SLC26A9: variants seen among roughly 807,000 people sequenced by gnomAD.
SLC26A9 encodes anion transporter/exchanger protein 9.
SLC26A9 carries 46 observed loss-of-function variants against 87.1 expected under a neutral mutation model. That is an observed-to-expected ratio of 0.53 (90% confidence interval 0.42 to 0.67). The LOEUF (loss-of-function observed/expected upper bound fraction) is 0.67, where lower values mean the gene tolerates loss of function less well. SLC26A9 is among the 30% of genes least tolerant of loss of function. SLC26A9 has a pLI of 0.00. For synonymous variants in SLC26A9, 437 were observed against 409.1 expected, an observed-to-expected ratio of 1.07 and a Z score of -0.82; for missense variants, 927 against 1,018.3, an observed-to-expected ratio of 0.91 and a Z score of 1.22.
chr1:205,931,749 G>A lies in SLC26A9; in HGVS notation c.552+111C>T, dbSNP rs1260371295. 10 of 1,396,780 alleles carry A rather than the reference G, an allele frequency of 7.2e-6. No individual in the cohort carries two copies. In the East Asian group the frequency reaches 7.3e-5, roughly 10 times the overall value. The allele number at this position is 1,396,780 out of a possible 1,614,324, so 86.5% of individuals were successfully genotyped here. On this transcript the variant is annotated intron_variant, in intron 5 of 20. Transcript: ENST00000367135. ...CCCAAAGTGCTGGGATTACAGGCATGAGCCTCCACACCCAGCCCCCTAAAT... is the reference window on the plus strand; with the variant it reads ...CCCAAAGTGCTGGGATTACAGGCATAAGCCTCCACACCCAGCCCCCTAAAT...
intron 1 of SLC26A9, among the ~76,000 whole-genome samples, chr1:205,942,661 T>G (rs1042388632): frequency 1.3e-4 from 20 of 152,134 alleles, no homozygotes; most frequent in African/African-American, 4.8e-4. Context: ...TGGCTGCCCA[T>G]CCACTGTCCT....
rs115212132 is a variant in SLC26A9 at position 205,920,841 on chromosome 1, C to T, written c.2056-611G>A. ...CTTAGATTCTCAGACTTCTTTGTGG[C>T]TTCAGACAGAAGCTGCAGGGGAGGA... On this transcript the variant is annotated intron_variant, in intron 17 of 20. Transcript: ENST00000367135. Among the ~76,000 whole-genome samples the T allele has an allele frequency of 6.0e-3, 921 of 152,326 alleles. 11 individuals carry two copies. The highest frequency in any genetic ancestry group is 0.021 in the African/African-American group (878 of 41,576).
Position 205,914,654 on chromosome 1 carries a change from C to T in SLC26A9, c.*703G>A. 1 of 496,018 alleles carries T rather than the reference C, an allele frequency of 2.0e-6. No individual in the cohort carries two copies. The highest frequency in any genetic ancestry group is 3.5e-6 in the Non-Finnish European group (1 of 282,376). The allele number at this position is 496,018 out of a possible 1,614,324, so 30.7% of individuals were successfully genotyped here. The stretch of plus-strand genomic sequence containing the variant: ...GAGGCAGAACCTTAGTGGGCTGTCC[C>T]CGGGGAGGTAGCTCTGGTGGTCTCG... On this transcript the variant is annotated 3_prime_UTR_variant, in exon 21 of 21. Transcript: ENST00000367135.
chr1:205,918,414 G>A (rs1399805037), intron 19 of SLC26A9, among the ~76,000 whole-genome samples: 2 of 152,082 alleles, frequency 1.3e-5, no homozygotes, highest in Non-Finnish European at 2.9e-5. Flanking sequence ...TCTAAGCTCC[G>A]GTAAGTTAAA....
Position 205,917,262 on chromosome 1 carries a change from C to T in SLC26A9, c.2328+21G>A, listed in dbSNP as rs545592470. Reference sequence around the variant, plus strand: ...CCTCTTCGCCCTGCTCCCACCCTCACAGCCCCTTCCCTCAGCTCACCTGCT... The same window carrying T: ...CCTCTTCGCCCTGCTCCCACCCTCATAGCCCCTTCCCTCAGCTCACCTGCT... On this transcript the variant is annotated intron_variant, in intron 20 of 20. Transcript: ENST00000367135. 3.7e-6 allele frequency: 6 copies of T among 1,613,888 alleles called. No individual in the cohort carries two copies. In the African/African-American group the frequency reaches 8.0e-5, roughly 22 times the overall value.
In SLC26A9 at chr1:205,914,941, T is replaced by C. The variant is rs149852895; in HGVS notation, c.*416A>G. ...ATCTGACACCGAGCCGTGTGGGCTCTGGGACACTTTTTGAAGCTTGTACAG... is the reference window on the plus strand; with the variant it reads ...ATCTGACACCGAGCCGTGTGGGCTCCGGGACACTTTTTGAAGCTTGTACAG... On this transcript the variant is annotated 3_prime_UTR_variant, in exon 21 of 21. Transcript: ENST00000367135. 1 of 1,614,050 alleles carries C rather than the reference T, an allele frequency of 6.2e-7. No individual in the cohort carries two copies. Among genetic ancestry groups the C allele is most frequent in the African/African-American group, 1.3e-5 (1 of 74,900 alleles).
At chr1:205,923,251 A>T in intron 15 of SLC26A9, 56 bp from the exon 16 acceptor site, 1 of 1,609,984 alleles carries the variant, frequency 6.2e-7, no homozygotes. Flanking sequence ...GGAGTGGCCT[A>T]TTCTCAGCTC....
At chr1:205,929,400 C>T (rs746361750) in intron 6 of SLC26A9, 44 bp from the exon 7 acceptor site, 2 of 1,598,310 alleles carry the variant, frequency 1.3e-6, no homozygotes. Context: ...ACCCCTTCTT[C>T]CCATAATACC....
At chr1:205,916,810 T>C (rs969328118) in intron 20 of SLC26A9, among the ~76,000 whole-genome samples, 5 of 152,060 alleles carry the variant, frequency 3.3e-5, no homozygotes, top group Non-Finnish European at 7.4e-5. Context: ...GTGAGAAGAA[T>C]GAAAACAAAG....
chr1:205,936,839 C>T (rs1351860670), intron 1 of SLC26A9, among the ~76,000 whole-genome samples: 1 of 152,180 alleles, frequency 6.6e-6, no homozygotes, highest in African/African-American at 2.4e-5. Context: ...GAGATGCCCC[C>T]AACTTCCCAG....
At chr1:205,919,160 A>C (rs755981358) in intron 18 of SLC26A9, among the ~76,000 whole-genome samples, 175 bp from the exon 19 acceptor site, 2 of 152,226 alleles carry the variant, frequency 1.3e-5, no homozygotes, top group Non-Finnish European at 2.9e-5. Flanking sequence ...GGCAGAGGGC[A>C]ACATGAACTT....
chr1:205,940,993 C>A (rs1451803877), intron 1 of SLC26A9, among the ~76,000 whole-genome samples: 1 of 152,166 alleles, frequency 6.6e-6, no homozygotes, highest in Non-Finnish European at 1.5e-5. Flanking sequence ...TGCCTCCCTG[C>A]CTCATCCAGG....
intron 1 of SLC26A9, among the ~76,000 whole-genome samples, chr1:205,938,240 C>T (rs975649363): frequency 6.6e-6 from 1 of 151,446 alleles, no homozygotes; most frequent in Non-Finnish European, 1.5e-5. Flanking sequence ...AATCCTATTG[C>T]TATTTCCTTC....
At chr1:205,940,840 C>T (rs916728791) in intron 1 of SLC26A9, among the ~76,000 whole-genome samples, 9 of 152,178 alleles carry the variant, frequency 5.9e-5, no homozygotes, top group South Asian at 2.1e-4. Flanking sequence ...GGGTTTTTGA[C>T]GCATGTGTGC....
In SLC26A9 at chr1:205,927,987, G is replaced by A. The variant is rs755264562; in HGVS notation, c.1016C>T (p.Ser339Phe). ...GATGACGTAGCTCACGATGGCTAGGGAGAAGGCTGTGCCTATCATGTCCTT... is the reference window on the plus strand; with the variant it reads ...GATGACGTAGCTCACGATGGCTAGGAAGAAGGCTGTGCCTATCATGTCCTT... ...QWKDMIGTAF[S>F]LAIVSYVINL... The change falls in exon 9 of 21, where the codon TCC becomes TTC. Residue 339 changes from serine (S) to phenylalanine (F), a missense_variant. Transcript: ENST00000367135. 1 of 1,614,160 alleles carries A rather than the reference G, an allele frequency of 6.2e-7. No homozygotes were observed. Among genetic ancestry groups the A allele is most frequent in the Admixed American group, 1.7e-5 (1 of 60,024 alleles).
intron 8 of SLC26A9, 146 bp from the exon 9 acceptor site, chr1:205,928,195 G>T: frequency 1.1e-6 from 1 of 920,018 alleles, no homozygotes; most frequent in Non-Finnish European, 1.6e-6. Flanking sequence ...TGAATCCTCA[G>T]CACCACCCCA....
chr1:205,923,233 C>T, intron 15 of SLC26A9, 38 bp from the exon 16 acceptor site: 2 of 1,611,182 alleles, frequency 1.2e-6, no homozygotes, highest in Non-Finnish European at 1.7e-6. Flanking sequence ...TGACCTCCAC[C>T]CTCTATGGGA....
At position 205,929,941 on chromosome 1, in the gene SLC26A9, A is replaced by T; in HGVS notation, c.668T>A (p.Ile223Asn). 6.2e-7 allele frequency: 1 copy of T among 1,613,630 alleles called. No homozygotes were observed. The highest frequency in any genetic ancestry group is 1.1e-5 in the South Asian group (1 of 91,070). The part of the protein sequence containing the change: ...LQILISVLKY[I>N]FGLTIPSYTG... Reference sequence around the variant, plus strand: ...GTAGGAGGGGATGGTCAGTCCGAAGATGTACTTGAGCACCGAAATCAGGAT... The same window carrying T: ...GTAGGAGGGGATGGTCAGTCCGAAGTTGTACTTGAGCACCGAAATCAGGAT... The change falls in exon 6 of 21, where the codon ATC (isoleucine) becomes AAC (asparagine). Residue 223 changes from isoleucine (I) to asparagine (N), a missense_variant. Ile to Asn is a moderately radical substitution (Grantham distance 149). Coordinates refer to ENST00000367135, the MANE Select transcript of SLC26A9 (RefSeq NM_052934.4).
chr1:205,929,343 A>G lies in SLC26A9; in HGVS notation c.731T>C (p.Ile244Thr). 6.2e-7 allele frequency: 1 copy of G among 1,614,052 alleles called. No individual in the cohort carries two copies. Among genetic ancestry groups the G allele is most frequent in the Non-Finnish European group, 8.5e-7 (1 of 1,179,936 alleles). Residue 244 changes from isoleucine (I) to threonine (T), a missense_variant, in exon 7 of 21, where the codon ATT becomes ACT. Physicochemically the swap from Ile to Thr is moderately conservative, Grantham distance 89 (BLOSUM62 -1). Transcript: ENST00000367135. ...GTTGGTGTGGGGGAGGTTTTTGCAA[A>G]TGTCAATGAAGGTCTGGGGGAAAGA... ...PGSIVFTFID[I>T]CKNLPHTNIA... is the part of the protein sequence containing the mutation.
Sources: allele counts gnomAD v4.1 joint callset (sites outside exome capture counted in the v4.1 genomes callset), GRCh38; gene constraint gnomAD v4.1.1; transcripts MANE v1.5; gene names NCBI Gene and HGNC (gene_info 2026-07-23, HGNC 2026-07-21).